The following TRAPPC10 variants were observed in gnomAD, a reference collection of about 807,000 sequenced individuals.
The protein encoded by TRAPPC10 is trafficking protein particle complex subunit 10.
In TRAPPC10, 23 loss-of-function variants were observed where a neutral mutation model predicts 125.5. The observed-to-expected ratio is 0.18, with a 90% CI of 0.13 to 0.26. The LOEUF (loss-of-function observed/expected upper bound fraction) is 0.26. Among genes scored for constraint, TRAPPC10 ranks in the 10% least tolerant of loss-of-function variants. The probability of loss-of-function intolerance (pLI) is 1.00; values close to 1 mark genes in which losing one functional copy is unlikely to be tolerated. For synonymous variants in TRAPPC10, 509 were observed against 518.0 expected, an observed-to-expected ratio of 0.98 and a Z score of 0.24; for missense variants, 1,123 against 1,308.4, an observed-to-expected ratio of 0.86 and a Z score of 2.19.
chr21:44,090,828 A>C (rs1281838585), intron 18 of TRAPPC10, among the ~76,000 whole-genome samples: 1 of 152,188 alleles, frequency 6.6e-6, no homozygotes, highest in Non-Finnish European at 1.5e-5. Flanking sequence ...TTCCCCTTCA[A>C]ATCACAGCAA....
intron 1 of TRAPPC10, among the ~76,000 whole-genome samples, chr21:44,015,610 A>ATTTT (rs11405094): frequency 7.1e-6 from 1 of 140,442 alleles, no homozygotes. Flanking sequence ...AGCTCTCCAA[A>ATTTT]TTTTTTTTTT....
Position 44,088,029 on chromosome 21 carries a change from T to C in TRAPPC10, c.2769+101T>C, listed in dbSNP as rs972512924. 5 of 1,010,692 alleles carry C rather than the reference T, an allele frequency of 4.9e-6. No individual in the cohort carries two copies. The African/African-American group carries it at 8.0e-5, about 16-fold the overall frequency. 62.6% of individuals were successfully genotyped at this position (1,010,692 alleles called of 1,614,324 possible). A position where few individuals can be genotyped will look rare whatever the true frequency, so the allele number is the denominator to read the frequency against. On this transcript the variant is annotated intron_variant, in intron 17 of 22. Coordinates refer to ENST00000291574, the MANE Select transcript of TRAPPC10 (RefSeq NM_003274.5). Reference sequence around the variant, plus strand: ...CGATGCCTGCTGTTAGCCTGGCTCCTTCTGATTCCCGATGCCCTGGGCATG... The same window carrying C: ...CGATGCCTGCTGTTAGCCTGGCTCCCTCTGATTCCCGATGCCCTGGGCATG...
Position 44,052,420 on chromosome 21 carries a change from C to T in TRAPPC10, c.426C>T (p.Pro142=), listed in dbSNP as rs751573633. The change falls in exon 4 of 23, where the codon CCC becomes CCT. Residue 142 remains proline, a synonymous_variant. Transcript: ENST00000291574. ...AAAAAAACAAAACCAACATCCTTCC[C>T]CGAACCTCTATTGTGGACAAAATAA... ...AKKKNKTNIL[P]RTSIVDKIRN... 18 of 1,613,370 alleles carry T rather than the reference C, an allele frequency of 1.1e-5. No individual in the cohort carries two copies. The African/African-American group carries it at 2.4e-4, about 22-fold the overall frequency.
intron 3 of TRAPPC10, chr21:44,047,130 A>C (rs972075484): frequency 7.6e-6 from 4 of 526,654 alleles, no homozygotes; most frequent in African/African-American, 5.9e-5. Flanking sequence ...CCTTCGGCGC[A>C]CTGTGATTCA....
At chr21:44,060,273 G>C (rs1426020873) in intron 6 of TRAPPC10, 1 of 135,802 alleles carries the variant, frequency 7.4e-6, no homozygotes, top group Non-Finnish European at 1.5e-5. Context: ...TATTTTATGT[G>C]TCTTTTTTTT....
intron 3 of TRAPPC10, chr21:44,047,084 G>A (rs576852128): frequency 4.4e-6 from 3 of 674,524 alleles, no homozygotes; most frequent in Admixed American, 3.7e-5. Flanking sequence ...CAGAGAAAGG[G>A]CTAATCAGAC....
chr21:44,090,822 C>T (rs1199788380), intron 18 of TRAPPC10, among the ~76,000 whole-genome samples: 2 of 152,148 alleles, frequency 1.3e-5, no homozygotes, highest in African/African-American at 2.4e-5. Flanking sequence ...GCTTTTTTCC[C>T]CTTCAAATCA....
chr21:44,017,662 G>A (rs185993273), intron 1 of TRAPPC10, among the ~76,000 whole-genome samples: 2 of 151,842 alleles, frequency 1.3e-5, no homozygotes, highest in Non-Finnish European at 2.9e-5. Flanking sequence ...AGTGTGCTAC[G>A]TGGGGGGCAG....
At chr21:44,086,777 T>C in intron 15 of TRAPPC10, 25 bp from the exon 16 acceptor site, 1 of 1,612,486 alleles carries the variant, frequency 6.2e-7, no homozygotes, top group Non-Finnish European at 8.5e-7. Context: ...GCAGCGGTGC[T>C]GAGCCACGAT....
At chr21:44,012,657 C>G in intron 1 of TRAPPC10, 97 bp downstream of exon 1, 1 of 1,148,706 alleles carries the variant, frequency 8.7e-7, no homozygotes, top group Non-Finnish European at 1.2e-6. Context: ...GCCCCCGGCG[C>G]GCTCCGGGCT....
At chr21:44,041,186 G>T (rs901909013) in intron 3 of TRAPPC10, among the ~76,000 whole-genome samples, 4 of 152,074 alleles carry the variant, frequency 2.6e-5, no homozygotes, top group African/African-American at 9.7e-5. Context: ...TAGCACTGGC[G>T]CTACCTGGTC....
At chr21:44,050,920 T>C (rs952740939) in intron 3 of TRAPPC10, among the ~76,000 whole-genome samples, 2 of 152,230 alleles carry the variant, frequency 1.3e-5, no homozygotes, top group African/African-American at 2.4e-5. Context: ...TATTTTTTTT[T>C]TGGAGACGCA....
chr21:44,048,743 C>T (rs746582767), intron 3 of TRAPPC10, among the ~76,000 whole-genome samples: 4 of 151,848 alleles, frequency 2.6e-5, no homozygotes, highest in Non-Finnish European at 5.9e-5. Context: ...ATCTGCCCAC[C>T]TCAGCCTCCC....
intron 20 of TRAPPC10, among the ~76,000 whole-genome samples, chr21:44,095,472 AG>A (rs562178473): frequency 2.5e-3 from 375 of 151,990 alleles, no homozygotes; most frequent in African/African-American, 8.8e-3. Flanking sequence ...TCTCTACCTC[AG>A]GTGATCCACC....
chr21:44,078,827 C>T (rs2037468580), intron 11 of TRAPPC10, among the ~76,000 whole-genome samples: 1 of 152,186 alleles, frequency 6.6e-6, no homozygotes, highest in South Asian at 2.1e-4. Flanking sequence ...CCAGTAGTCC[C>T]AGCTACAGTG....
At chr21:44,081,922 G>A (rs2037776267) in intron 13 of TRAPPC10, among the ~76,000 whole-genome samples, 1 of 152,092 alleles carries the variant, frequency 6.6e-6, no homozygotes, top group South Asian at 2.1e-4. Flanking sequence ...TGGGTTTCTC[G>A]GGAGCATCAT....
intron 5 of TRAPPC10, 138 bp from the exon 6 acceptor site, chr21:44,058,965 T>G: frequency 1.7e-6 from 1 of 584,922 alleles, no homozygotes; most frequent in East Asian, 3.0e-5. Context: ...GGTCGTCACA[T>G]TGGTTGTTAC....
At chr21:44,017,844 A>G (rs940212361) in intron 1 of TRAPPC10, among the ~76,000 whole-genome samples, 1 of 151,766 alleles carries the variant, frequency 6.6e-6, no homozygotes, top group Non-Finnish European at 1.5e-5. Context: ...CCCTGATCTG[A>G]TGTTGACACT....
chr21:44,015,081 T>A (rs1285575916), intron 1 of TRAPPC10, among the ~76,000 whole-genome samples: 4 of 152,248 alleles, frequency 2.6e-5, no homozygotes, highest in African/African-American at 9.6e-5. Flanking sequence ...AACTTTTTAA[T>A]ATTATGTACA....
Sources: allele counts gnomAD v4.1 joint callset (sites outside exome capture counted in the v4.1 genomes callset), GRCh38; gene constraint gnomAD v4.1.1; transcripts MANE v1.5; gene names NCBI Gene and HGNC (gene_info 2026-07-23, HGNC 2026-07-21).